DCC: variants seen among roughly 807,000 people sequenced by gnomAD.
DCC encodes the protein netrin receptor DCC.
DCC carries 58 observed loss-of-function variants against 172.5 expected under a neutral mutation model. That is an observed-to-expected ratio of 0.34 (90% confidence interval 0.27 to 0.42). The LOEUF (loss-of-function observed/expected upper bound fraction) is 0.42, where lower values mean the gene tolerates loss of function less well. Among genes scored for constraint, DCC ranks in the 10% least tolerant of loss-of-function variants. The pLI, the probability that DCC is intolerant of heterozygous loss-of-function variation, is 1.00. For synonymous variants in DCC, 709 were observed against 644.5 expected (o/e 1.10, Z -1.52); for missense variants, 1,740 against 1,791.0 (o/e 0.97, Z 0.51).
intron 6 of DCC, 80 bp downstream of exon 6, chr18:53,063,539 A>AG (rs1168555680): frequency 8.1e-7 from 1 of 1,231,740 alleles, no homozygotes; most frequent in Non-Finnish European, 1.2e-6. Context: ...TTTCTTGAAA[A>AG]AAAAAAAGGT....
At chr18:52,968,527 T>C (rs146995608) in intron 5 of DCC, among the ~76,000 whole-genome samples, 2,168 of 152,186 alleles carry the variant, frequency 0.014, 64 homozygotes, top group African/African-American at 0.05. Context: ...GCTCGGAGTC[T>C]CACTCTAGCT....
At chr18:53,519,347 T>G (rs1171283332) in intron 27 of DCC, among the ~76,000 whole-genome samples, 1 of 151,964 alleles carries the variant, frequency 6.6e-6, no homozygotes, top group Non-Finnish European at 1.5e-5. Flanking sequence ...CACACACAGT[T>G]TACCATCATT....
chr18:52,996,563 T>C (rs1466473697), intron 5 of DCC, among the ~76,000 whole-genome samples: 1 of 151,884 alleles, frequency 6.6e-6, no homozygotes, highest in African/African-American at 2.4e-5. Flanking sequence ...CTACCATTGT[T>C]TTTCTCAGTA....
intron 2 of DCC, among the ~76,000 whole-genome samples, chr18:52,786,937 GATT>G (rs1234798979): frequency 2.0e-5 from 3 of 152,166 alleles, no homozygotes; most frequent in African/African-American, 7.2e-5. Context: ...AAGAAAAATG[GATT>G]ATTATTGCGA....
intron 12 of DCC, among the ~76,000 whole-genome samples, chr18:53,252,562 A>G (rs1483241529): frequency 1.3e-5 from 2 of 152,010 alleles, no homozygotes; most frequent in African/African-American, 4.8e-5. Flanking sequence ...CAAACATTCC[A>G]TGAGAAATAA....
intron 14 of DCC, among the ~76,000 whole-genome samples, chr18:53,330,271 T>C (rs2057516297): frequency 6.6e-6 from 1 of 152,200 alleles, no homozygotes; most frequent in South Asian, 2.1e-4. Flanking sequence ...AGATTGATTG[T>C]ATTCTTCACT....
chr18:53,481,424 T>C (rs2045830523), intron 25 of DCC, among the ~76,000 whole-genome samples: 1 of 152,192 alleles, frequency 6.6e-6, no homozygotes, highest in African/African-American at 2.4e-5. Flanking sequence ...AGCGACCCTC[T>C]ATGGAGTTTG....
intron 12 of DCC, among the ~76,000 whole-genome samples, chr18:53,301,847 G>T (rs1315462705): frequency 6.6e-6 from 1 of 151,994 alleles, no homozygotes; most frequent in Non-Finnish European, 1.5e-5. Flanking sequence ...TAAAATAAAT[G>T]AAATTATAAA....
intron 1 of DCC, among the ~76,000 whole-genome samples, chr18:52,547,558 A>G (rs915554893): frequency 6.6e-6 from 1 of 152,184 alleles, no homozygotes; most frequent in Admixed American, 6.6e-5. Context: ...AGTTACATAA[A>G]TAACTCTATA....
chr18:52,564,744 T>C (rs779305128), intron 1 of DCC, among the ~76,000 whole-genome samples: 4 of 151,720 alleles, frequency 2.6e-5, no homozygotes, highest in Non-Finnish European at 4.4e-5. Flanking sequence ...TTTACCTGTA[T>C]ACAAATACAT....
chr18:53,461,472 AG>A (rs2045558863), intron 24 of DCC, among the ~76,000 whole-genome samples: 2 of 152,148 alleles, frequency 1.3e-5, no homozygotes, highest in Admixed American at 1.3e-4. Flanking sequence ...GGTGTAAGGA[AG>A]GGATCCAGTT....
chr18:53,086,585 C>CCTT (rs755034828), intron 7 of DCC, among the ~76,000 whole-genome samples: 747 of 35,164 alleles, frequency 0.021, 198 homozygotes, highest in Non-Finnish European at 0.026. Flanking sequence ...TCTTCTTCTT[C>CCTT]CTTCTTCTTC....
At chr18:52,781,301 G>A (rs936469248) in intron 2 of DCC, among the ~76,000 whole-genome samples, 2 of 151,994 alleles carry the variant, frequency 1.3e-5, no homozygotes, top group African/African-American at 2.4e-5. Flanking sequence ...AGAATAGTGC[G>A]GGAAGATCAG....
rs1266384793 is a variant in DCC, at chr18:53,429,021, T to TATATA, written c.3164-6123_3164-6122insATATA. 2.6e-4 allele frequency among the ~76,000 whole-genome samples: 6 copies of TATATA among 23,070 alleles called. 1 individual carries two copies. Among genetic ancestry groups the TATATA allele is most frequent in the Non-Finnish European group, 1.0e-3 (6 of 6,018 alleles). 15.1% of individuals were successfully genotyped at this position (23,070 alleles called of 152,430 possible). ...TTTATATAATATATATTTTATATAT[T>TATATA]TTTTATATAATATATATTTTATATA... On this transcript the variant is annotated intron_variant, in intron 21 of 28. Transcript: ENST00000442544.
chr18:53,372,274 T>A (rs202094539), intron 15 of DCC, among the ~76,000 whole-genome samples: 2 of 152,200 alleles, frequency 1.3e-5, no homozygotes, highest in East Asian at 3.9e-4. Context: ...CATCGTGGAA[T>A]ACTATGCAGC....
chr18:53,002,811 T>C (rs1045997769), intron 5 of DCC, among the ~76,000 whole-genome samples: 7 of 152,122 alleles, frequency 4.6e-5, no homozygotes, highest in Non-Finnish European at 8.8e-5. Flanking sequence ...GTCGAAATGA[T>C]GGAAAGATGG....
intron 1 of DCC, among the ~76,000 whole-genome samples, chr18:52,477,402 A>G (rs558664689): frequency 2.5e-4 from 38 of 152,302 alleles, no homozygotes; most frequent in Non-Finnish European, 5.1e-4. Context: ...CATCTGAATT[A>G]CCATCTTCCT....
In DCC at chr18:53,416,123, G is replaced by C; in HGVS notation, c.3131-1G>C. On this transcript the variant is annotated splice_acceptor_variant, in intron 20 of 28. Coordinates refer to ENST00000442544, the MANE Select transcript of DCC (RefSeq NM_005215.4). LOFTEE classifies it high-confidence loss of function. ...TAATGTTATTTCTTTTTCCCCCGCA[G>C]TGGAACACCCTGACAAAATGGCTAA... 6.2e-7 allele frequency: 1 copy of C among 1,609,402 alleles called. No homozygotes were observed. Among genetic ancestry groups the C allele is most frequent in the Non-Finnish European group, 8.5e-7 (1 of 1,175,848 alleles).
chr18:52,844,557 A>G (rs771842583), intron 2 of DCC, among the ~76,000 whole-genome samples: 23 of 152,176 alleles, frequency 1.5e-4, no homozygotes, highest in Non-Finnish European at 7.3e-5. Context: ...CATGGTATAC[A>G]TTATTTTATT....
Sources: allele counts gnomAD v4.1 joint callset (sites outside exome capture counted in the v4.1 genomes callset), GRCh38; gene constraint gnomAD v4.1.1; transcripts MANE v1.5; gene names NCBI Gene and HGNC (gene_info 2026-07-23, HGNC 2026-07-21).